CNTN6: variants seen among roughly 807,000 people sequenced by gnomAD.
CNTN6 encodes the protein contactin-6.
CNTN6 carries 137 observed loss-of-function variants against 122.8 expected under a neutral mutation model. The ratio of observed to expected loss-of-function variants is 1.12; its 90% CI spans 0.97 to 1.29. The LOEUF (loss-of-function observed/expected upper bound fraction) is 1.29, where lower values mean the gene tolerates loss of function less well. CNTN6 is among the 50% of genes most tolerant of loss of function. CNTN6 has a pLI of 0.00. For synonymous variants in CNTN6, 570 were observed against 426.0 expected (o/e 1.34, Z -4.16); for missense variants, 1,634 against 1,223.4 (o/e 1.34, Z -5.01).
intron 1 of CNTN6, among the ~76,000 whole-genome samples, chr3:1,122,424 T>A: frequency 1.5e-5 from 2 of 136,810 alleles, no homozygotes; most frequent in African/African-American, 5.8e-5. Context: ...AGCGGTGATT[T>A]AAAAACACAG....
At chr3:1,188,495 T>C (rs990337503) in intron 2 of CNTN6, among the ~76,000 whole-genome samples, 4 of 152,236 alleles carry the variant, frequency 2.6e-5, no homozygotes, top group African/African-American at 9.6e-5. Context: ...TTAGTGATAC[T>C]GCATATACGG....
intron 2 of CNTN6, among the ~76,000 whole-genome samples, chr3:1,195,899 G>GT (rs142615739): frequency 0.014 from 2,168 of 149,908 alleles, 54 homozygotes; most frequent in African/African-American, 0.048. Flanking sequence ...CCAAAGAGAA[G>GT]TTTTTTTTTT....
At chr3:1,250,352 C>T (rs150651350) in intron 4 of CNTN6, among the ~76,000 whole-genome samples, 40 of 152,290 alleles carry the variant, frequency 2.6e-4, no homozygotes, top group African/African-American at 9.4e-4. Flanking sequence ...AGTTAGCTCA[C>T]TCTATCCTCC....
Position 1,276,935 on chromosome 3 carries a change from A to G in CNTN6, c.359-1478A>G, listed in dbSNP as rs114964966. On this transcript the variant is annotated intron_variant, in intron 4 of 22. Coordinates refer to ENST00000446702, the MANE Select transcript of CNTN6 (RefSeq NM_001289080.2). ...GCAAGTGGCTTTCAAGACCTCCCAT[A>G]TCATTGGCAATTTGGCAATTTAGGT... 2.2e-3 allele frequency among the ~76,000 whole-genome samples: 335 copies of G among 152,282 alleles called. 2 individuals are homozygous for G. The highest frequency in any genetic ancestry group is 7.5e-3 in the African/African-American group (310 of 41,558).
chr3:1,297,261 C>G (rs943058265), intron 6 of CNTN6, among the ~76,000 whole-genome samples: 2 of 151,890 alleles, frequency 1.3e-5, no homozygotes, highest in Non-Finnish European at 1.5e-5. Flanking sequence ...TAAAAATGAT[C>G]AAAGTATTTA....
chr3:1,403,530 A>C lies in CNTN6; in HGVS notation c.*112A>C. 2 of 527,610 alleles carry C rather than the reference A, an allele frequency of 3.8e-6. No homozygotes were observed. The highest frequency in any genetic ancestry group is 7.2e-5 in the Admixed American group (2 of 27,690). 32.7% of individuals were successfully genotyped at this position (527,610 alleles called of 1,614,324 possible). ...TTAATACAGACTTGTTTGCAAAGAA[A>C]AAAAAAAGTATATTATTAAAATCCT... On this transcript the variant is annotated 3_prime_UTR_variant, in exon 23 of 23. Transcript: ENST00000446702.
At chr3:1,383,478 G>A in intron 19 of CNTN6, 70 bp downstream of exon 19, 1 of 1,117,328 alleles carries the variant, frequency 8.9e-7, no homozygotes, top group Non-Finnish European at 1.4e-6. Flanking sequence ...CTATTCAACA[G>A]TCCTATCCTA....
intron 4 of CNTN6, among the ~76,000 whole-genome samples, chr3:1,240,955 G>A (rs1575375236): frequency 6.6e-6 from 1 of 151,820 alleles, no homozygotes; most frequent in South Asian, 2.1e-4. Flanking sequence ...TTCTCTGGTG[G>A]GCATGGGTGG....
chr3:1,377,693 A>G (rs1710078931), intron 17 of CNTN6, among the ~76,000 whole-genome samples: 1 of 152,158 alleles, frequency 6.6e-6, no homozygotes, highest in East Asian at 1.9e-4. Context: ...TAAGAATTCT[A>G]TAGCGTGAAA....
At chr3:1,259,134 C>A (rs1171630095) in intron 4 of CNTN6, among the ~76,000 whole-genome samples, 2 of 152,112 alleles carry the variant, frequency 1.3e-5, no homozygotes, top group Non-Finnish European at 2.9e-5. Context: ...CCAATGATGA[C>A]TGTTAACATT....
chr3:1,388,574 A>T (rs1693563398), intron 20 of CNTN6, among the ~76,000 whole-genome samples: 1 of 150,612 alleles, frequency 6.6e-6, no homozygotes, highest in Non-Finnish European at 1.5e-5. Context: ...AATGACTTTG[A>T]CGAGCTGAGA....
intron 5 of CNTN6, among the ~76,000 whole-genome samples, chr3:1,291,890 A>AT (rs1287543498): frequency 6.6e-6 from 1 of 152,168 alleles, no homozygotes; most frequent in Non-Finnish European, 1.5e-5. Flanking sequence ...ATCTCAAAGC[A>AT]TTTTTCAAAA....
intron 2 of CNTN6, among the ~76,000 whole-genome samples, chr3:1,201,462 CAG>C (rs906200561): frequency 5.5e-5 from 7 of 126,250 alleles, no homozygotes; most frequent in African/African-American, 2.0e-4. Context: ...CTACATATAA[CAG>C]AGAGTTGTCA....
intron 5 of CNTN6, among the ~76,000 whole-genome samples, chr3:1,282,572 C>T (rs961606235): frequency 6.6e-6 from 1 of 152,148 alleles, no homozygotes; most frequent in Non-Finnish European, 1.5e-5. Flanking sequence ...GTCCTTGTTC[C>T]CATATTTCCA....
At chr3:1,390,463 G>A (rs1295140819) in intron 20 of CNTN6, among the ~76,000 whole-genome samples, 1 of 151,436 alleles carries the variant, frequency 6.6e-6, no homozygotes. Flanking sequence ...AAGCAGGAAA[G>A]ATCCAAAATT....
chr3:1,289,761 A>G (rs1325331216), intron 5 of CNTN6, among the ~76,000 whole-genome samples: 3 of 147,418 alleles, frequency 2.0e-5, no homozygotes, highest in Non-Finnish European at 4.5e-5. Flanking sequence ...TGCAAACTCC[A>G]ACTCCCGGGT....
chr3:1,384,491 T>C (rs958809356), intron 19 of CNTN6, among the ~76,000 whole-genome samples: 1 of 151,994 alleles, frequency 6.6e-6, no homozygotes, highest in Admixed American at 6.6e-5. Context: ...TAAGGCAAAT[T>C]ACATTTGTAG....
chr3:1,354,295 ATC>A (rs1706179073), intron 12 of CNTN6, among the ~76,000 whole-genome samples: 1 of 150,996 alleles, frequency 6.6e-6, no homozygotes, highest in Admixed American at 6.6e-5. Flanking sequence ...TATTCCATAA[ATC>A]TAACCATAAT....
intron 11 of CNTN6, among the ~76,000 whole-genome samples, chr3:1,345,906 GT>G (rs1288780140): frequency 7.2e-5 from 11 of 151,742 alleles, no homozygotes; most frequent in African/African-American, 2.7e-4. Context: ...CAATACTCCA[GT>G]TAATAATCTA....
Sources: gnomAD v4.1 joint callset for allele counts (sites outside exome capture counted in the v4.1 genomes callset) on GRCh38, gnomAD v4.1.1 for gene constraint, MANE v1.5 for transcripts, NCBI Gene and HGNC (gene_info 2026-07-23, HGNC 2026-07-21) for gene names.